The following FNBP1 variants were observed in gnomAD, a reference collection of about 807,000 sequenced individuals.
FNBP1 encodes the protein formin-binding protein 1.
A neutral mutation model predicts 90.6 loss-of-function variants in FNBP1; 26 were observed. The ratio of observed to expected loss-of-function variants is 0.29; its 90% CI spans 0.21 to 0.40. The LOEUF (loss-of-function observed/expected upper bound fraction) is 0.40, where lower values mean the gene tolerates loss of function less well. Ranked by LOEUF, FNBP1 falls within the 10% of genes least tolerant of loss-of-function variation. FNBP1 has a pLI of 1.00. For synonymous variants in FNBP1, 260 were observed against 265.2 expected, an observed-to-expected ratio of 0.98 and a Z score of 0.19; for missense variants, 635 against 768.0, an observed-to-expected ratio of 0.83 and a Z score of 2.05.
At chr9:130,019,083 C>T (rs1210177932) in intron 1 of FNBP1, among the ~76,000 whole-genome samples, 6 of 152,022 alleles carry the variant, frequency 3.9e-5, no homozygotes, top group East Asian at 1.9e-4. Flanking sequence ...AAAAATTAGC[C>T]GGGCATGGTG....
intron 2 of FNBP1, among the ~76,000 whole-genome samples, chr9:129,980,287 G>C (rs980078405): frequency 2.0e-5 from 3 of 151,028 alleles, no homozygotes; most frequent in Non-Finnish European, 4.4e-5. Context: ...TTGAACCCGG[G>C]AGGAGGAGGT....
chr9:130,009,839 G>A (rs753783360), intron 1 of FNBP1, among the ~76,000 whole-genome samples: 24 of 151,540 alleles, frequency 1.6e-4, no homozygotes, highest in Non-Finnish European at 3.2e-4. Context: ...CTGGCATGGC[G>A]GCACGCACCT....
intron 2 of FNBP1, among the ~76,000 whole-genome samples, chr9:129,990,440 G>C (rs1463202778): frequency 1.3e-5 from 2 of 152,118 alleles, no homozygotes; most frequent in African/African-American, 4.8e-5. Context: ...TACATGGAAG[G>C]GCTAGCGCAA....
intron 11 of FNBP1, chr9:129,914,927 T>C: frequency 2.1e-6 from 1 of 474,522 alleles, no homozygotes; most frequent in Non-Finnish European, 4.4e-6. Context: ...GAGAAGACTA[T>C]GAAACTATTA....
intron 6 of FNBP1, among the ~76,000 whole-genome samples, chr9:129,955,129 T>C (rs973849916): frequency 2.0e-5 from 3 of 151,806 alleles, no homozygotes; most frequent in African/African-American, 4.8e-5. Flanking sequence ...TAAGAAAAAA[T>C]TAACAAAAGG....
chr9:129,952,106 G>T (rs951922224), intron 6 of FNBP1, among the ~76,000 whole-genome samples: 4 of 151,828 alleles, frequency 2.6e-5, no homozygotes, highest in Admixed American at 2.6e-4. Flanking sequence ...GCATGAGAAC[G>T]GTTTGAACCC....
chr9:129,920,230 T>G (rs2040878426), intron 10 of FNBP1, among the ~76,000 whole-genome samples: 1 of 152,196 alleles, frequency 6.6e-6, no homozygotes, highest in Admixed American at 6.5e-5. Flanking sequence ...ATACTGCTGA[T>G]TATGGTAAAA....
rs527819187 is a variant in FNBP1 at position 129,925,131 on chromosome 9, A to G, written c.816T>C (p.Tyr272=). The change falls in exon 9 of 17, where the codon TAT becomes TAC. Residue 272 remains tyrosine, a synonymous_variant. Transcript: ENST00000446176. ...CTCCAGGAGGCTCAAACCCTGATTT[A>G]TAAGCTTCTATTACCAGCTGTGAAT... The part of the protein sequence containing the change: ...KNDSQLVIEA[Y]KSGFEPPGDI... 7.8e-5 allele frequency: 126 copies of G among 1,613,540 alleles called. No individual in the cohort carries two copies. In the East Asian group the frequency reaches 2.8e-3, roughly 36 times the overall value.
intron 4 of FNBP1, among the ~76,000 whole-genome samples, chr9:129,976,040 G>A (rs2050259952): frequency 6.6e-6 from 1 of 152,060 alleles, no homozygotes; most frequent in Non-Finnish European, 1.5e-5. Context: ...AAGATTTCTG[G>A]TATTTATTTT....
intron 1 of FNBP1, among the ~76,000 whole-genome samples, chr9:130,016,496 C>A (rs1741119880): frequency 6.6e-6 from 1 of 152,168 alleles, no homozygotes; most frequent in South Asian, 2.1e-4. Flanking sequence ...GTAATCCCAG[C>A]ACTTTGGGAG....
the FNBP1 span, among the ~76,000 whole-genome samples, chr9:130,049,946 A>T: frequency 1.3e-5 from 2 of 152,044 alleles, no homozygotes; most frequent in African/African-American, 2.4e-5. Flanking sequence ...GCATGATCAT[A>T]GCTCACTGCA....
chr9:129,905,883 T>C (rs1278690848), intron 12 of FNBP1, among the ~76,000 whole-genome samples: 1 of 151,096 alleles, frequency 6.6e-6, no homozygotes, highest in Non-Finnish European at 1.5e-5. Context: ...ATATTTCTTT[T>C]TTTTTTTGTT....
At position 129,890,917 on chromosome 9, in the gene FNBP1, G is replaced by A. The variant is rs2035041410; in HGVS notation, c.1847-371C>T. Among the ~76,000 whole-genome samples, 1 of 152,192 alleles carries A rather than the reference G, an allele frequency of 6.6e-6. No homozygotes were observed. Among genetic ancestry groups the A allele is most frequent in the African/African-American group, 2.4e-5 (1 of 41,434 alleles). ...CATGCCTGTAATCCCAGCACTTTGG[G>A]AGCCTGAGGCAGGCAGATCACGAGG... On this transcript the variant is annotated intron_variant, in intron 16 of 16. Coordinates refer to ENST00000446176, the MANE Select transcript of FNBP1 (RefSeq NM_015033.3). The surrounding 1 kb of genome is among the most constrained non-coding windows in gnomAD (Gnocchi z 5.8).
intron 1 of FNBP1, among the ~76,000 whole-genome samples, chr9:130,036,021 TAA>T (rs971632541): frequency 1.4e-5 from 2 of 148,042 alleles, no homozygotes; most frequent in South Asian, 4.3e-4. Context: ...GCCTCATCAT[TAA>T]AAAAAAAAGT....
intron 15 of FNBP1, among the ~76,000 whole-genome samples, chr9:129,898,213 C>T (rs1193781732): frequency 6.6e-6 from 1 of 152,178 alleles, no homozygotes. Flanking sequence ...ACAGCTCTGA[C>T]TGCATCGACA....
At chr9:130,013,876 A>G (rs1033670613) in intron 1 of FNBP1, among the ~76,000 whole-genome samples, 1 of 152,184 alleles carries the variant, frequency 6.6e-6, no homozygotes, top group Non-Finnish European at 1.5e-5. Flanking sequence ...CTCTTGCCCT[A>G]AGTGGCAAAA....
intron 10 of FNBP1, among the ~76,000 whole-genome samples, chr9:129,923,036 A>AT (rs1164873383): frequency 6.6e-6 from 1 of 151,352 alleles, no homozygotes; most frequent in Non-Finnish European, 1.5e-5. Context: ...ATTTTTATAT[A>AT]TTTTTTTAAG....
chr9:129,955,535 CAAAAAAA>C (rs879542398), intron 6 of FNBP1, among the ~76,000 whole-genome samples: 1 of 124,044 alleles, frequency 8.1e-6, no homozygotes. Context: ...TACACCACAC[CAAAAAAA>C]AAAAAAAAAT....
At position 130,042,932 on chromosome 9, in the gene FNBP1, G is replaced by T. The variant is rs2059975031; in HGVS notation, c.24+20C>A. ...CAGCGCGCGCCCCGCATCTGCCCGC[G>T]GGCCCAGCCCCTCACTCACCCAGAG... On this transcript the variant is annotated intron_variant, in intron 1 of 16. Transcript: ENST00000446176. This position sits in a 1 kb window ranked among gnomAD's most constrained non-coding sequence, Gnocchi z 5.5. The T allele has an allele frequency of 2.4e-6, 3 of 1,230,538 alleles. No individual in the cohort carries two copies. The highest frequency in any genetic ancestry group is 1.6e-5 in the African/African-American group (1 of 63,948). 76.2% of individuals were successfully genotyped at this position (1,230,538 alleles called of 1,614,324 possible).
Sources: gnomAD v4.1 joint callset for allele counts (sites outside exome capture counted in the v4.1 genomes callset) on GRCh38, gnomAD v4.1.1 for gene constraint, Gnocchi (gnomAD v3.1) non-coding constraint, MANE v1.5 for transcripts, NCBI Gene and HGNC (gene_info 2026-07-23, HGNC 2026-07-21) for gene names.